Variants in MTUS1 observed in about 807,000 individuals in gnomAD.
MTUS1 encodes the protein microtubule-associated tumor suppressor 1.
MTUS1 carries 109 observed loss-of-function variants against 120.8 expected under a neutral mutation model. The observed-to-expected ratio is 0.90, with a 90% CI of 0.77 to 1.06. The LOEUF is 1.06. Among genes scored for constraint, MTUS1 ranks in the 50% least tolerant of loss-of-function variants. The pLI is 0.00. For missense variants in MTUS1, 2,210 were observed against 1,486.3 expected (o/e 1.49, Z -8.01); for synonymous variants, 737 against 550.5 (o/e 1.34, Z -4.74).
chr8:17,717,673 G>T (rs1822603611), intron 4 of MTUS1, among the ~76,000 whole-genome samples: 1 of 152,120 alleles, frequency 6.6e-6, no homozygotes, highest in Non-Finnish European at 1.5e-5. Context: ...TTCACAAAGA[G>T]ATCAGTAAAA....
chr8:17,697,184 C>A (rs1230479972), intron 6 of MTUS1: 9 of 1,488,836 alleles, frequency 6.0e-6, no homozygotes, highest in Non-Finnish European at 8.1e-6. Context: ...TTGGAAAAAC[C>A]TCTGATAAAC....
chr8:17,770,974 T>C lies in MTUS1; in HGVS notation c.-154-15013A>G, dbSNP rs114264844. On this transcript the variant is annotated intron_variant, in intron 1 of 14. Coordinates refer to ENST00000693296, the MANE Select transcript of MTUS1 (RefSeq NM_001363059.2). Reference sequence around the variant, plus strand: ...TAAAGAAACTGGAATATTCCAGTGATTTGGATAATGAAAAAGAAAAAAAGT... The same window carrying C: ...TAAAGAAACTGGAATATTCCAGTGACTTGGATAATGAAAAAGAAAAAAAGT... Among the ~76,000 whole-genome samples, 782 of 152,250 alleles carry C rather than the reference T, an allele frequency of 5.1e-3. 3 individuals are homozygous for C. The highest frequency in any genetic ancestry group is 0.016 in the African/African-American group (675 of 41,544).
intron 6 of MTUS1, among the ~76,000 whole-genome samples, chr8:17,702,828 C>T (rs1326231639): frequency 6.6e-6 from 1 of 152,152 alleles, no homozygotes; most frequent in Non-Finnish European, 1.5e-5. Flanking sequence ...ACCATTGTTG[C>T]AGGGAGTCAG....
At chr8:17,657,972 T>A (rs977150243) in intron 8 of MTUS1, among the ~76,000 whole-genome samples, 1 of 150,664 alleles carries the variant, frequency 6.6e-6, no homozygotes, top group South Asian at 2.1e-4. Flanking sequence ...TATACATGCA[T>A]ATACATATAC....
chr8:17,692,620 G>T (rs1817176889), intron 6 of MTUS1, among the ~76,000 whole-genome samples: 1 of 152,074 alleles, frequency 6.6e-6, no homozygotes, highest in African/African-American at 2.4e-5. Flanking sequence ...TCTTTAAAAC[G>T]GTTCTCTTCA....
Position 17,755,309 on chromosome 8 carries a change from T to A in MTUS1, c.499A>T (p.Lys167Ter). Residue 167 changes from lysine (K) to a stop codon, truncating the protein, a stop_gained, in exon 2 of 15, where the codon AAA becomes TAA. Coordinates refer to ENST00000693296, the MANE Select transcript of MTUS1 (RefSeq NM_001363059.2). LOFTEE classifies it high-confidence loss of function. ...TGTGATATAAAGGTGCAGTTAACTT[T>A]ATCCACTGTCATGTCAAATGTTTGG... ...LNQTFDMTVD[K>*]VNCTFISHHA... is the part of the protein sequence containing the mutation. 6.2e-7 allele frequency: 1 copy of A among 1,614,218 alleles called. No individual in the cohort carries two copies. Among genetic ancestry groups the A allele is most frequent in the Non-Finnish European group, 8.5e-7 (1 of 1,180,032 alleles).
intron 3 of MTUS1, among the ~76,000 whole-genome samples, chr8:17,742,509 C>CT (rs1408117579): frequency 6.6e-6 from 1 of 151,890 alleles, no homozygotes; most frequent in Non-Finnish European, 1.5e-5. Context: ...CTTTTGGCCT[C>CT]TGTTTTTCTC....
At chr8:17,671,192 A>C (rs1349005367) in intron 8 of MTUS1, among the ~76,000 whole-genome samples, 1 of 152,146 alleles carries the variant, frequency 6.6e-6, no homozygotes, top group Non-Finnish European at 1.5e-5. Flanking sequence ...AAAAGGGAAT[A>C]TGCAAATAAA....
At chr8:17,702,877 G>A (rs959975921) in intron 6 of MTUS1, among the ~76,000 whole-genome samples, 1 of 152,152 alleles carries the variant, frequency 6.6e-6, no homozygotes, top group African/African-American at 2.4e-5. Flanking sequence ...CCACGGCAGA[G>A]GAAACATAAA....
chr8:17,767,385 T>TA (rs1032324862), intron 1 of MTUS1, among the ~76,000 whole-genome samples: 21 of 150,268 alleles, frequency 1.4e-4, no homozygotes, highest in African/African-American at 4.9e-4. Flanking sequence ...ATTAGCAGTT[T>TA]AAAAAAAAAG....
chr8:17,676,153 T>C (rs1813061339), intron 7 of MTUS1: 1 of 669,608 alleles, frequency 1.5e-6, no homozygotes. Context: ...GCAGAGATCA[T>C]GAGACCCGGC....
intron 6 of MTUS1, among the ~76,000 whole-genome samples, chr8:17,702,686 C>G (rs981375170): frequency 6.6e-6 from 1 of 152,162 alleles, no homozygotes; most frequent in Admixed American, 6.5e-5. Flanking sequence ...TTATCTGTAT[C>G]ACAGCATATG....
At chr8:17,769,884 ACACACACACACACAC>A in intron 1 of MTUS1, among the ~76,000 whole-genome samples, 1 of 774 alleles carries the variant, frequency 1.3e-3, no homozygotes, top group African/African-American at 7.5e-3. Flanking sequence ...CTTTGCTTAC[ACACACACACACACAC>A]ACACACACAC....
chr8:17,675,686 TAAA>T (rs1348353725), intron 7 of MTUS1, among the ~76,000 whole-genome samples: 1 of 152,156 alleles, frequency 6.6e-6, no homozygotes, highest in Non-Finnish European at 1.5e-5. Context: ...TATTTGCACA[TAAA>T]AAAGTTTCGT....
chr8:17,699,413 C>G (rs527503683), intron 6 of MTUS1, among the ~76,000 whole-genome samples: 17 of 152,088 alleles, frequency 1.1e-4, no homozygotes, highest in Non-Finnish European at 1.9e-4. Context: ...TGAGTTTTCA[C>G]CATGTTGGCC....
At chr8:17,711,451 A>G (rs922794726) in intron 6 of MTUS1, among the ~76,000 whole-genome samples, 3 of 140,448 alleles carry the variant, frequency 2.1e-5, no homozygotes, top group African/African-American at 7.9e-5. Context: ...GCTAGCTTCC[A>G]GCTTTTTTTT....
chr8:17,671,003 G>A (rs1487572735), intron 8 of MTUS1, among the ~76,000 whole-genome samples: 1 of 152,156 alleles, frequency 6.6e-6, no homozygotes, highest in African/African-American at 2.4e-5. Context: ...GTGTTCCACT[G>A]TGAAATGGCA....
chr8:17,715,788 A>G lies in MTUS1; in HGVS notation c.2563T>C (p.Leu855=). The part of the protein sequence containing the change: ...KPLVSRAHVH[L]MKTPPKGPSR... ...GTACCTTTTGGAGGAGTTTTCATCA[A>G]GTGAACATGAGCCCTGGATACCAAA... Residue 855 remains leucine, a synonymous_variant, in exon 5 of 15, where the codon TTG becomes CTG. Transcript: ENST00000693296. 6.2e-7 allele frequency: 1 copy of G among 1,613,120 alleles called. No homozygotes were observed. The highest frequency in any genetic ancestry group is 8.5e-7 in the Non-Finnish European group (1 of 1,179,796).
At chr8:17,707,683 G>A (rs539195636) in intron 6 of MTUS1, among the ~76,000 whole-genome samples, 1 of 152,246 alleles carries the variant, frequency 6.6e-6, no homozygotes, top group Admixed American at 6.5e-5. Flanking sequence ...ACCCAGAATA[G>A]CCATAACTAT....
Sources: gnomAD v4.1 joint callset for allele counts (sites outside exome capture counted in the v4.1 genomes callset) on GRCh38, gnomAD v4.1.1 for gene constraint, MANE v1.5 for transcripts, NCBI Gene and HGNC (gene_info 2026-07-23, HGNC 2026-07-21) for gene names.